Variants in MPPED2 observed in about 807,000 individuals in gnomAD.
MPPED2 encodes metallophosphoesterase domain containing 2.
A neutral mutation model predicts 33.0 loss-of-function variants in MPPED2; 5 were observed. That is an observed-to-expected ratio of 0.15 (90% confidence interval 0.08 to 0.32). The LOEUF (loss-of-function observed/expected upper bound fraction) is 0.32. Ranked by LOEUF, MPPED2 falls within the 10% of genes least tolerant of loss-of-function variation. The probability of loss-of-function intolerance (pLI) is 1.00; values close to 1 mark genes in which losing one functional copy is unlikely to be tolerated. For missense variants in MPPED2, 275 were observed against 372.1 expected (o/e 0.74, Z 2.15); for synonymous variants, 136 against 141.9 (o/e 0.96, Z 0.29).
Position 30,410,426 on chromosome 11 carries a change from A to T in MPPED2, c.*1042T>A. The T allele has an allele frequency of 1.0e-6, 1 of 983,222 alleles. No individual in the cohort carries two copies. The highest frequency in any genetic ancestry group is 1.2e-6 in the Non-Finnish European group (1 of 828,622). 60.9% of individuals were successfully genotyped at this position (983,222 alleles called of 1,614,324 possible). A position where few individuals can be genotyped will look rare whatever the true frequency, so the allele number is the denominator to read the frequency against. ...GCTAGCGAAGATTGCATCGACACACAGTGCAAAATGGGAGAGGGGAGAGGA... is the reference window on the plus strand; with the variant it reads ...GCTAGCGAAGATTGCATCGACACACTGTGCAAAATGGGAGAGGGGAGAGGA... On this transcript the variant is annotated 3_prime_UTR_variant, in exon 7 of 7. Coordinates refer to ENST00000358117, the MANE Select transcript of MPPED2 (RefSeq NM_001584.3).
chr11:30,457,951 T>TGCC (rs1444643362), intron 4 of MPPED2, among the ~76,000 whole-genome samples: 1 of 152,220 alleles, frequency 6.6e-6, no homozygotes, highest in African/African-American at 2.4e-5. Flanking sequence ...CCTCTGCTGC[T>TGCC]GCCGTACCAA....
intron 4 of MPPED2, among the ~76,000 whole-genome samples, chr11:30,455,294 G>A (rs1371783914): frequency 6.6e-6 from 1 of 152,176 alleles, no homozygotes; most frequent in East Asian, 1.9e-4. Flanking sequence ...CTGAGGCACT[G>A]GCCCATACTC....
chr11:30,532,457 C>T (rs1368192769), intron 3 of MPPED2, among the ~76,000 whole-genome samples: 2 of 152,210 alleles, frequency 1.3e-5, no homozygotes, highest in African/African-American at 4.8e-5. Flanking sequence ...CTCCTTTTAA[C>T]TTCTGCTTTT....
In MPPED2 at chr11:30,571,155, C is replaced by CT. The variant is rs762616097; in HGVS notation, c.128+9090dup. On this transcript the variant is annotated intron_variant, in intron 2 of 6. Transcript: ENST00000358117. ...CCATGGTGATGTTAGCTTTCTTTTT[C>CT]TTTTTTTTTTTTTAAACTAGTTTCA... 5.7e-3 allele frequency among the ~76,000 whole-genome samples: 807 copies of CT among 140,754 alleles called. 2 individuals carry two copies. The highest frequency in any genetic ancestry group is 9.9e-3 in the African/African-American group (384 of 38,606). The allele number at this position is 140,754 out of a possible 152,430, so 92.3% of individuals were successfully genotyped here.
At chr11:30,414,387 T>C (rs768320611) in intron 5 of MPPED2, 46 bp from the exon 6 acceptor site, 3 of 1,254,876 alleles carry the variant, frequency 2.4e-6, no homozygotes, top group South Asian at 2.4e-5. Context: ...TTTCTTCAGG[T>C]AAGGTTTCAT....
intron 4 of MPPED2, chr11:30,469,062 G>A (rs1950841753): frequency 6.6e-6 from 1 of 152,078 alleles, no homozygotes; most frequent in Admixed American, 6.5e-5. Flanking sequence ...TGAATGTCTG[G>A]TGCACAGGAA....
intron 4 of MPPED2, among the ~76,000 whole-genome samples, chr11:30,423,259 T>A (rs1245772209): frequency 6.6e-6 from 1 of 152,184 alleles, no homozygotes; most frequent in Non-Finnish European, 1.5e-5. Flanking sequence ...GTGCCTGTTA[T>A]CCTCAGGTGG....
At chr11:30,461,195 G>A (rs1950504325) in intron 4 of MPPED2, among the ~76,000 whole-genome samples, 2 of 152,116 alleles carry the variant, frequency 1.3e-5, no homozygotes, top group South Asian at 4.2e-4. Context: ...TAGAATGGTG[G>A]TTGCTAGGGG....
At chr11:30,462,418 C>T (rs892610176) in intron 4 of MPPED2, among the ~76,000 whole-genome samples, 2 of 152,058 alleles carry the variant, frequency 1.3e-5, no homozygotes, top group African/African-American at 4.8e-5. Context: ...TAATAGACTT[C>T]AATACACGCT....
chr11:30,427,202 T>C (rs1948878087), intron 4 of MPPED2, among the ~76,000 whole-genome samples: 1 of 152,236 alleles, frequency 6.6e-6, no homozygotes, highest in Non-Finnish European at 1.5e-5. Context: ...AGCTGGATTT[T>C]GTCTTGTTAC....
intron 4 of MPPED2, among the ~76,000 whole-genome samples, chr11:30,453,728 A>G (rs536384319): frequency 6.6e-6 from 1 of 152,254 alleles, no homozygotes; most frequent in Non-Finnish European, 1.5e-5. Flanking sequence ...AAGATCAAGC[A>G]AAGAAGACTG....
At chr11:30,584,049 G>C (rs952000179) in intron 1 of MPPED2, 1 of 152,180 alleles carries the variant, frequency 6.6e-6, no homozygotes, top group Non-Finnish European at 1.5e-5. Context: ...TTCTCCGCCA[G>C]GGTTTTTTTG....
intron 6 of MPPED2, among the ~76,000 whole-genome samples, chr11:30,403,810 G>C (rs1345147803): frequency 1.3e-5 from 2 of 152,110 alleles, no homozygotes; most frequent in East Asian, 3.9e-4. Flanking sequence ...TTCCATTTCT[G>C]ATCTACTACT....
At chr11:30,450,837 T>C (rs1165134385) in intron 4 of MPPED2, among the ~76,000 whole-genome samples, 1 of 152,214 alleles carries the variant, frequency 6.6e-6, no homozygotes, top group Non-Finnish European at 1.5e-5. Context: ...TAGCCCCCTT[T>C]TTCAGAAGAA....
intron 2 of MPPED2, among the ~76,000 whole-genome samples, chr11:30,563,167 C>T (rs766038306): frequency 6.7e-6 from 1 of 148,680 alleles, no homozygotes; most frequent in Non-Finnish European, 1.5e-5. Flanking sequence ...ACTCTCCTTG[C>T]TCATTTCCTC....
intron 4 of MPPED2, among the ~76,000 whole-genome samples, chr11:30,493,231 C>T (rs1042900958): frequency 6.6e-6 from 1 of 152,014 alleles, no homozygotes; most frequent in Non-Finnish European, 1.5e-5. Flanking sequence ...ATTAGCCGGG[C>T]GCAGTGGCGG....
At chr11:30,439,426 G>T (rs1334432963) in intron 4 of MPPED2, among the ~76,000 whole-genome samples, 1 of 152,160 alleles carries the variant, frequency 6.6e-6, no homozygotes, top group Non-Finnish European at 1.5e-5. Context: ...AGACTCAGAT[G>T]TTTCCTATTA....
chr11:30,537,753 G>A (rs557947652), intron 2 of MPPED2, among the ~76,000 whole-genome samples: 25 of 152,216 alleles, frequency 1.6e-4, no homozygotes, highest in African/African-American at 5.8e-4. Context: ...TTTAACTTCC[G>A]CAAAAAATTA....
chr11:30,454,675 A>G (rs1020256849), intron 4 of MPPED2, among the ~76,000 whole-genome samples: 2 of 152,224 alleles, frequency 1.3e-5, no homozygotes, highest in Non-Finnish European at 2.9e-5. Flanking sequence ...TATCTGAAAA[A>G]TGAATAGAAT....
Sources: allele counts gnomAD v4.1 joint callset (sites outside exome capture counted in the v4.1 genomes callset), GRCh38; gene constraint gnomAD v4.1.1; transcripts MANE v1.5; gene names NCBI Gene and HGNC (gene_info 2026-07-23, HGNC 2026-07-21).